TPO: variants seen among roughly 807,000 people sequenced by gnomAD.
TPO encodes the protein thyroid microsomal antigen.
Under a neutral mutation model 96.9 loss-of-function variants are expected in TPO, and 78 were observed. The observed-to-expected ratio is 0.81, with a 90% CI of 0.67 to 0.97. TPO has a LOEUF of 0.97. TPO is among the 50% of genes least tolerant of loss of function. The pLI is 0.00. For synonymous variants in TPO, 547 were observed against 538.0 expected (o/e 1.02, Z -0.23); for missense variants, 1,252 against 1,274.8 (o/e 0.98, Z 0.27).
intron 5 of TPO, among the ~76,000 whole-genome samples, chr2:1,452,624 C>T (rs533989608): frequency 6.6e-6 from 1 of 152,196 alleles, no homozygotes; most frequent in Non-Finnish European, 1.5e-5. Flanking sequence ...GCCCTCAAAA[C>T]TCCTTCTGAG....
intron 5 of TPO, chr2:1,439,108 G>A: frequency 7.0e-6 from 3 of 427,432 alleles, no homozygotes; most frequent in Non-Finnish European, 1.3e-5. Flanking sequence ...GCCTCAGCCG[G>A]CAGCAGTGAG....
chr2:1,416,376 C>G (rs1484805150), intron 2 of TPO, among the ~76,000 whole-genome samples: 2 of 152,158 alleles, frequency 1.3e-5, no homozygotes, highest in African/African-American at 4.8e-5. Flanking sequence ...TGTTAGAAGT[C>G]AAGAGCTAGT....
chr2:1,382,953 C>T (rs922693115), intron 1 of TPO, among the ~76,000 whole-genome samples: 12 of 146,506 alleles, frequency 8.2e-5, no homozygotes, highest in Admixed American at 5.0e-4. Flanking sequence ...TTCAATCCCA[C>T]CTATGAGTGA....
intron 14 of TPO, among the ~76,000 whole-genome samples, chr2:1,506,767 G>A (rs1673511396): frequency 6.6e-6 from 1 of 152,264 alleles, no homozygotes; most frequent in Non-Finnish European, 1.5e-5. Context: ...TGAGTTCATT[G>A]TAGATTCTGG....
intron 1 of TPO, among the ~76,000 whole-genome samples, chr2:1,392,382 A>C (rs547766667): frequency 6.6e-6 from 1 of 152,242 alleles, no homozygotes; most frequent in East Asian, 1.9e-4. Flanking sequence ...TAAGCTTTTT[A>C]ATGTGCTGCT....
chr2:1,535,055 C>T (rs77900650), intron 15 of TPO, among the ~76,000 whole-genome samples: 7,428 of 15,578 alleles, frequency 0.48, 1,253 homozygotes, highest in South Asian at 0.6. Context: ...TGTGCAACCT[C>T]CCCAAATCTC....
chr2:1,496,328 C>T (rs1672333755), intron 12 of TPO, 131 bp downstream of exon 12: 1 of 1,161,440 alleles, frequency 8.6e-7, no homozygotes, highest in South Asian at 1.4e-5. Flanking sequence ...CTTACACCCT[C>T]AGGGCAGCTC....
chr2:1,423,326 C>T lies in TPO; in HGVS notation c.179+197C>T, dbSNP rs145384454. On this transcript the variant is annotated intron_variant, in intron 3 of 16. Coordinates refer to ENST00000329066, the MANE Select transcript of TPO (RefSeq NM_001206744.2). ...ATCTCCAATCCTTTCTTAAGCAAGA[C>T]ACAAAGGAGGAGCACCCTGATGCAA... Among the ~76,000 whole-genome samples the T allele has an allele frequency of 1.9e-3, 285 of 152,310 alleles. 2 individuals carry two copies. Among genetic ancestry groups the T allele is most frequent in the African/African-American group, 6.3e-3 (262 of 41,560 alleles).
chr2:1,476,988 G>A, intron 7 of TPO, 98 bp from the exon 8 acceptor site: 4 of 1,441,562 alleles, frequency 2.8e-6, no homozygotes, highest in Non-Finnish European at 3.7e-6. Flanking sequence ...GCAGAGAAAC[G>A]TGCGGCGCTG....
chr2:1,521,077 G>A (rs1436404810), intron 15 of TPO, among the ~76,000 whole-genome samples: 2 of 152,044 alleles, frequency 1.3e-5, no homozygotes, highest in Admixed American at 6.5e-5. Flanking sequence ...GTTGATAAAC[G>A]GTGCCCTATA....
intron 9 of TPO, 26 bp downstream of exon 9, chr2:1,484,880 G>C: frequency 6.2e-7 from 1 of 1,612,948 alleles, no homozygotes; most frequent in Non-Finnish European, 8.5e-7. Flanking sequence ...CCCTGCAGCT[G>C]GTCCCCATGA....
At chr2:1,525,178 T>A (rs1267432719) in intron 15 of TPO, among the ~76,000 whole-genome samples, 1 of 117,828 alleles carries the variant, frequency 8.5e-6, no homozygotes, top group Non-Finnish European at 1.8e-5. Flanking sequence ...CCCCACTGTG[T>A]GCAATCCGCC....
upstream of TPO, among the ~76,000 whole-genome samples, chr2:1,409,367 C>T (rs2148386853): frequency 6.6e-6 from 1 of 152,270 alleles, no homozygotes; most frequent in East Asian, 1.9e-4. Context: ...TGGGAAATTA[C>T]CTACCTGAGT....
chr2:1,514,733 C>T (rs538327952), intron 14 of TPO, among the ~76,000 whole-genome samples: 15 of 152,324 alleles, frequency 9.8e-5, no homozygotes, highest in Non-Finnish European at 1.5e-4. Flanking sequence ...TGGTTCCAAG[C>T]GGATTTACTG....
intron 15 of TPO, among the ~76,000 whole-genome samples, 183 bp downstream of exon 15, chr2:1,517,165 A>G (rs573876606): frequency 1.1e-4 from 17 of 152,328 alleles, no homozygotes; most frequent in Admixed American, 1.1e-3. Context: ...ATTATGCTTT[A>G]AATAATGAAA....
At chr2:1,385,361 C>A (rs1039671509) in intron 1 of TPO, among the ~76,000 whole-genome samples, 2 of 152,094 alleles carry the variant, frequency 1.3e-5, no homozygotes, top group Non-Finnish European at 2.9e-5. Context: ...GGTTGGTAAG[C>A]TATTAATTAT....
chr2:1,495,849 G>A (rs1298847154), intron 11 of TPO, 140 bp from the exon 12 acceptor site: 12 of 942,894 alleles, frequency 1.3e-5, no homozygotes, highest in Non-Finnish European at 1.8e-5. Flanking sequence ...GCCTGCACCT[G>A]TGTGGCCCCG....
At chr2:1,450,358 G>T (rs750333773) in intron 5 of TPO, among the ~76,000 whole-genome samples, 1 of 152,210 alleles carries the variant, frequency 6.6e-6, no homozygotes, top group Non-Finnish European at 1.5e-5. Flanking sequence ...AGTCTCCAGT[G>T]CCAGGTGCCT....
intron 14 of TPO, among the ~76,000 whole-genome samples, chr2:1,514,120 G>A (rs544384318): frequency 2.6e-5 from 4 of 152,262 alleles, no homozygotes; most frequent in South Asian, 4.1e-4. Context: ...GAGCTGGCGG[G>A]GCAGTTCCAG....
Sources: gnomAD v4.1 joint callset for allele counts (sites outside exome capture counted in the v4.1 genomes callset) on GRCh38, gnomAD v4.1.1 for gene constraint, MANE v1.5 for transcripts, NCBI Gene and HGNC (gene_info 2026-07-23, HGNC 2026-07-21) for gene names.